FAM135B: variants seen among roughly 807,000 people sequenced by gnomAD.
The protein encoded by FAM135B is family with sequence similarity 135 member B.
Under a neutral mutation model 127.7 loss-of-function variants are expected in FAM135B, and 43 were observed. The ratio of observed to expected loss-of-function variants is 0.34; its 90% confidence interval spans 0.26 to 0.43. FAM135B has a LOEUF of 0.43. FAM135B is among the 20% of genes least tolerant of loss of function. FAM135B has a pLI of 1.00. For synonymous variants in FAM135B, 670 were observed against 665.1 expected (o/e 1.01, Z -0.11); for missense variants, 1,558 against 1,725.6 (o/e 0.90, Z 1.72).
intron 3 of FAM135B, among the ~76,000 whole-genome samples, chr8:138,291,159 A>C (rs1174617389): frequency 1.3e-5 from 2 of 152,224 alleles, no homozygotes. Context: ...CTGAATCTGA[A>C]CAAACAGGTT....
At chr8:138,353,222 A>G (rs1829886424) in intron 2 of FAM135B, among the ~76,000 whole-genome samples, 1 of 152,178 alleles carries the variant, frequency 6.6e-6, no homozygotes, top group Non-Finnish European at 1.5e-5. Flanking sequence ...AACCGGGTTT[A>G]TATGTCAGCT....
At chr8:138,262,100 G>C (rs1197814470) in intron 4 of FAM135B, among the ~76,000 whole-genome samples, 1 of 152,122 alleles carries the variant, frequency 6.6e-6, no homozygotes, top group Non-Finnish European at 1.5e-5. Flanking sequence ...AAATTTGATA[G>C]GAAGAAGAAA....
chr8:138,426,425 T>C (rs987484743), intron 1 of FAM135B, among the ~76,000 whole-genome samples: 18 of 151,642 alleles, frequency 1.2e-4, no homozygotes, highest in Admixed American at 1.3e-4. Flanking sequence ...CAATATCTAC[T>C]AAAACTAAGC....
intron 13 of FAM135B, 23 bp downstream of exon 13, chr8:138,151,171 G>A (rs1818107489): frequency 6.7e-7 from 1 of 1,493,888 alleles, no homozygotes. Context: ...TTGTGGGAAA[G>A]GTAAGCCCGT....
intron 9 of FAM135B, among the ~76,000 whole-genome samples, chr8:138,182,392 C>T (rs1423683149): frequency 6.6e-6 from 1 of 152,098 alleles, no homozygotes; most frequent in Admixed American, 6.5e-5. Flanking sequence ...CCAGAGCTGT[C>T]ATAGCTGAAA....
At position 138,152,976 on chromosome 8, in the gene FAM135B, A is replaced by C. The variant is rs1303935804; in HGVS notation, c.1499T>G (p.Val500Gly). Residue 500 changes from valine to glycine, a missense_variant, in exon 13 of 20, where the codon GTG becomes GGG. Physicochemically the swap from Val to Gly is moderately radical, Grantham distance 109. Around this residue, in one of 5 missense-constraint regions of FAM135B, gnomAD observed 923 missense variants for 865.3 expected, o/e 1.07. Transcript: ENST00000395297. ...TTGAAATTCACCAATTGATATATAC[A>C]CCTGAGATTCAGAGCACATGTCCAT... ...NHMDMCSESQ[V>G]YISIGEFQNK... is the part of the protein sequence containing the mutation. 6.2e-7 allele frequency: 1 copy of C among 1,614,194 alleles called. No homozygotes were observed. The highest frequency in any genetic ancestry group is 1.1e-5 in the South Asian group (1 of 91,088).
At chr8:138,184,269 T>C (rs1586712876) in intron 9 of FAM135B, among the ~76,000 whole-genome samples, 2 of 152,016 alleles carry the variant, frequency 1.3e-5, no homozygotes, top group African/African-American at 4.8e-5. Flanking sequence ...CAGGGACAGG[T>C]GAGAGGAGCA....
At chr8:138,192,809 C>T (rs900158502) in intron 9 of FAM135B, among the ~76,000 whole-genome samples, 2 of 152,220 alleles carry the variant, frequency 1.3e-5, no homozygotes, top group African/African-American at 2.4e-5. Flanking sequence ...GCATGAATTA[C>T]TCTTTCTCTA....
intron 14 of FAM135B, among the ~76,000 whole-genome samples, chr8:138,146,753 G>A (rs921917440): frequency 6.6e-6 from 1 of 152,160 alleles, no homozygotes; most frequent in Non-Finnish European, 1.5e-5. Flanking sequence ...GTATAGTGAG[G>A]CATAAATTTA....
chr8:138,427,891 T>C (rs1278403311), intron 1 of FAM135B, among the ~76,000 whole-genome samples: 1 of 152,310 alleles, frequency 6.6e-6, no homozygotes, highest in Non-Finnish European at 1.5e-5. Context: ...CCCATGGATT[T>C]CTCCACCTGG....
At chr8:138,159,378 G>A (rs1819126979) in intron 12 of FAM135B, among the ~76,000 whole-genome samples, 1 of 150,320 alleles carries the variant, frequency 6.7e-6, no homozygotes, top group East Asian at 2.0e-4. Context: ...TGATAGACTG[G>A]ATGAAGAAAA....
intron 7 of FAM135B, among the ~76,000 whole-genome samples, chr8:138,215,552 A>G (rs1221404008): frequency 6.6e-6 from 1 of 152,230 alleles, no homozygotes; most frequent in Non-Finnish European, 1.5e-5. Context: ...TAGGCAAGTC[A>G]CTTTCAGTCT....
chr8:138,313,520 T>G (rs557685467), intron 2 of FAM135B, among the ~76,000 whole-genome samples: 1 of 150,920 alleles, frequency 6.6e-6, no homozygotes, highest in African/African-American at 2.4e-5. Context: ...ATAATAAATT[T>G]TGTTTGTTTG....
At chr8:138,178,399 C>T in intron 10 of FAM135B, 136 bp downstream of exon 10, 1 of 964,728 alleles carries the variant, frequency 1.0e-6, no homozygotes, top group Non-Finnish European at 1.6e-6. Context: ...CAACGCCACC[C>T]TGCACGGTCA....
At chr8:138,195,350 T>C in intron 8 of FAM135B, 43 bp from the exon 9 acceptor site, 1 of 1,582,856 alleles carries the variant, frequency 6.3e-7, no homozygotes, top group Non-Finnish European at 8.6e-7. Flanking sequence ...GAACCCACAC[T>C]GAAATGCAGC....
At chr8:138,393,846 A>T (rs762158340) in intron 1 of FAM135B, among the ~76,000 whole-genome samples, 12 of 152,152 alleles carry the variant, frequency 7.9e-5, no homozygotes, top group Non-Finnish European at 1.8e-4. Context: ...AGACAGAACA[A>T]ACATTCTGAT....
chr8:138,298,026 G>C (rs1000965775), intron 3 of FAM135B, among the ~76,000 whole-genome samples: 3 of 152,148 alleles, frequency 2.0e-5, no homozygotes, highest in African/African-American at 7.2e-5. Context: ...CTACCTCCAC[G>C]ACTTAATACT....
At chr8:138,300,600 T>C (rs1251947470) in intron 3 of FAM135B, among the ~76,000 whole-genome samples, 1 of 152,186 alleles carries the variant, frequency 6.6e-6, no homozygotes, top group Non-Finnish European at 1.5e-5. Flanking sequence ...AAGAAAAGAC[T>C]AAATCATGTA....
At chr8:138,374,281 A>G (rs1831329209) in intron 1 of FAM135B, among the ~76,000 whole-genome samples, 1 of 152,226 alleles carries the variant, frequency 6.6e-6, no homozygotes, top group African/African-American at 2.4e-5. Flanking sequence ...AGGCTTCTGC[A>G]TCTGTACTTG....
Sources: gnomAD v4.1 joint callset for allele counts (sites outside exome capture counted in the v4.1 genomes callset) on GRCh38, gnomAD v4.1.1 for gene constraint, gnomAD v4.1.1 regional missense constraint, MANE v1.5 for transcripts, NCBI Gene and HGNC (gene_info 2026-07-23, HGNC 2026-07-21) for gene names.